FOXP2: variants seen among roughly 807,000 people sequenced by gnomAD.
The protein encoded by FOXP2 is forkhead box protein P2.
FOXP2 carries 12 observed loss-of-function variants against 115.8 expected under a neutral mutation model. The ratio of observed to expected loss-of-function variants is 0.10; its 90% CI spans 0.07 to 0.17. The LOEUF (loss-of-function observed/expected upper bound fraction) is 0.17, where lower values mean the gene tolerates loss of function less well. Ranked by LOEUF, FOXP2 falls within the 10% of genes least tolerant of loss-of-function variation. FOXP2 has a pLI of 1.00. For missense variants in FOXP2, 629 were observed against 843.5 expected, an observed-to-expected ratio of 0.75 and a Z score of 3.15; for synonymous variants, 328 against 297.7, an observed-to-expected ratio of 1.10 and a Z score of -1.05.
At chr7:114,315,455 A>G (rs559673972) in intron 2 of FOXP2, among the ~76,000 whole-genome samples, 1 of 152,294 alleles carries the variant, frequency 6.6e-6, no homozygotes, top group East Asian at 1.9e-4. Flanking sequence ...TCTAATTGAT[A>G]AAACCATGTT....
chr7:114,334,958 T>G (rs906734900), intron 2 of FOXP2, among the ~76,000 whole-genome samples: 5 of 136,344 alleles, frequency 3.7e-5, no homozygotes, highest in East Asian at 4.2e-4. Flanking sequence ...TATATATATA[T>G]AGAAATCCAA....
intron 1 of FOXP2, among the ~76,000 whole-genome samples, chr7:114,171,191 T>G (rs920459897): frequency 1.3e-5 from 2 of 152,204 alleles, no homozygotes; most frequent in African/African-American, 4.8e-5. Context: ...AGCACATATG[T>G]TTCAGCATGG....
intron 2 of FOXP2, among the ~76,000 whole-genome samples, chr7:114,296,278 T>A (rs1411253961): frequency 1.3e-5 from 2 of 152,206 alleles, no homozygotes; most frequent in Non-Finnish European, 2.9e-5. Context: ...TTTCTCTTTT[T>A]GTGACACTTA....
In FOXP2 at chr7:114,604,890, A is replaced by C. The variant is rs115813661; in HGVS notation, c.259-23650A>C. On this transcript the variant is annotated intron_variant, in intron 3 of 16. Coordinates refer to ENST00000350908, the MANE Select transcript of FOXP2 (RefSeq NM_014491.4). ...TGACCCAGACCTTGGATTTGGAATA[A>C]TAATAATTTAAATTCAGTTCCAGTC... Among the ~76,000 whole-genome samples, 884 of 152,318 alleles carry C rather than the reference A, an allele frequency of 5.8e-3. 7 individuals carry two copies. Among genetic ancestry groups the C allele is most frequent in the African/African-American group, 0.02 (820 of 41,574 alleles).
chr7:114,303,895 CTT>C (rs1796937040), intron 2 of FOXP2, among the ~76,000 whole-genome samples: 2 of 151,948 alleles, frequency 1.3e-5, no homozygotes, highest in Non-Finnish European at 2.9e-5. Flanking sequence ...GTTTTATTCT[CTT>C]ATTTATTATT....
At chr7:114,434,316 C>G (rs1447978326) in intron 2 of FOXP2, among the ~76,000 whole-genome samples, 3 of 151,154 alleles carry the variant, frequency 2.0e-5, no homozygotes, top group Non-Finnish European at 4.4e-5. Context: ...AGTGAGAAAT[C>G]CTTATTTTGG....
chr7:114,148,650 A>G (rs1010910222), intron 1 of FOXP2, among the ~76,000 whole-genome samples: 9 of 152,206 alleles, frequency 5.9e-5, no homozygotes, highest in African/African-American at 1.9e-4. Context: ...TAAGATAAGA[A>G]TGAAGTCAAG....
At chr7:114,386,260 G>C (rs1255530566) in intron 2 of FOXP2, among the ~76,000 whole-genome samples, 1 of 152,182 alleles carries the variant, frequency 6.6e-6, no homozygotes, top group Non-Finnish European at 1.5e-5. Context: ...GAGTGAAATA[G>C]AGTGAAAACA....
At chr7:114,408,317 G>A (rs1793081643) in intron 2 of FOXP2, among the ~76,000 whole-genome samples, 1 of 152,046 alleles carries the variant, frequency 6.6e-6, no homozygotes, top group Non-Finnish European at 1.5e-5. Context: ...GTAACACATA[G>A]TTTCTCACTA....
intron 2 of FOXP2, among the ~76,000 whole-genome samples, chr7:114,361,380 G>A (rs943554781): frequency 9.2e-5 from 14 of 152,114 alleles, no homozygotes; most frequent in African/African-American, 2.9e-4. Context: ...AAAGGAAAGA[G>A]GATGTTGGGA....
intron 2 of FOXP2, among the ~76,000 whole-genome samples, chr7:114,476,980 A>G (rs1047082003): frequency 2.6e-5 from 4 of 152,038 alleles, no homozygotes; most frequent in African/African-American, 9.7e-5. Flanking sequence ...CAGAATGGCA[A>G]TTATCAAAAA....
chr7:114,251,759 T>C (rs779060381), intron 1 of FOXP2, among the ~76,000 whole-genome samples: 7 of 152,198 alleles, frequency 4.6e-5, no homozygotes, highest in Non-Finnish European at 8.8e-5. Flanking sequence ...ACTTCTCTCT[T>C]TTCCTAATTG....
upstream of FOXP2, among the ~76,000 whole-genome samples, chr7:114,412,887 G>T (rs770131392): frequency 6.6e-6 from 1 of 152,108 alleles, no homozygotes; most frequent in Non-Finnish European, 1.5e-5. Flanking sequence ...GTTGACCTCA[G>T]AAGTTCAAAA....
chr7:114,420,496 A>G (rs959805156), intron 1 of FOXP2, among the ~76,000 whole-genome samples: 11 of 151,924 alleles, frequency 7.2e-5, no homozygotes, highest in Non-Finnish European at 1.2e-4. Flanking sequence ...AGACAAGAAA[A>G]TCTGTGACAG....
At chr7:114,373,285 G>C (rs1305685811) in intron 2 of FOXP2, among the ~76,000 whole-genome samples, 4 of 152,170 alleles carry the variant, frequency 2.6e-5, no homozygotes, top group African/African-American at 7.2e-5. Flanking sequence ...CTCCCAAAGT[G>C]CTGGGATTAC....
chr7:114,679,726 C>T (rs1046973236), intron 16 of FOXP2, among the ~76,000 whole-genome samples: 1 of 152,044 alleles, frequency 6.6e-6, no homozygotes, highest in African/African-American at 2.4e-5. Flanking sequence ...CTCATCTCTG[C>T]ATAATAAAAA....
chr7:114,092,917 G>A (rs2129139350), intron 1 of FOXP2, among the ~76,000 whole-genome samples: 1 of 152,042 alleles, frequency 6.6e-6, no homozygotes, highest in East Asian at 1.9e-4. Flanking sequence ...CATATAGTTT[G>A]TACAGCCACT....
chr7:114,176,216 CTTGTCT>C (rs1365075675), intron 1 of FOXP2, among the ~76,000 whole-genome samples: 1 of 147,694 alleles, frequency 6.8e-6, no homozygotes, highest in Non-Finnish European at 1.5e-5. Context: ...CTTGTCTTGT[CTTGTCT>C]TGTCTTGTCT....
At chr7:114,678,416 T>C (rs542069608) in intron 16 of FOXP2, among the ~76,000 whole-genome samples, 5 of 152,274 alleles carry the variant, frequency 3.3e-5, no homozygotes, top group South Asian at 4.1e-4. Context: ...GCTGCTGATA[T>C]GTAGGGACAT....
Sources: allele counts gnomAD v4.1 joint callset (sites outside exome capture counted in the v4.1 genomes callset), GRCh38; gene constraint gnomAD v4.1.1; transcripts MANE v1.5; gene names NCBI Gene and HGNC (gene_info 2026-07-23, HGNC 2026-07-21).